The following CLIP1 variants were observed in gnomAD, a reference collection of about 807,000 sequenced individuals.
The protein encoded by CLIP1 is CAP-Gly domain containing linker protein 1, also known as CAP-Gly domain-containing linker protein 1.
CLIP1 carries 66 observed loss-of-function variants against 161.6 expected under a neutral mutation model. That is an observed-to-expected ratio of 0.41 (90% CI 0.33 to 0.50). CLIP1 has a LOEUF of 0.50. CLIP1 is among the 20% of genes least tolerant of loss of function. The pLI, the probability that CLIP1 is intolerant of heterozygous loss-of-function variation, is 0.27. For synonymous variants in CLIP1, 598 were observed against 626.2 expected (o/e 0.96, Z 0.67); for missense variants, 1,376 against 1,702.0 (o/e 0.81, Z 3.37).
intron 15 of CLIP1, among the ~76,000 whole-genome samples, chr12:122,329,504 C>T (rs1951852051): frequency 6.6e-6 from 1 of 151,802 alleles, no homozygotes; most frequent in Admixed American, 6.6e-5. Context: ...GTGGTGGGCA[C>T]CTGTAGTCCC....
intron 19 of CLIP1, among the ~76,000 whole-genome samples, chr12:122,314,387 C>T (rs937043872): frequency 5.9e-5 from 9 of 151,974 alleles, no homozygotes; most frequent in Admixed American, 3.9e-4. Context: ...ACGAAAACTG[C>T]TTGAACCCAG....
intron 24 of CLIP1, chr12:122,277,075 T>G (rs1374275682): frequency 2.0e-5 from 3 of 153,462 alleles, no homozygotes; most frequent in African/African-American, 4.8e-5. Flanking sequence ...TCCTCCTGCC[T>G]CAGCTTCTGG....
At chr12:122,415,834 G>C (rs928375951) in intron 1 of CLIP1, among the ~76,000 whole-genome samples, 2 of 151,972 alleles carry the variant, frequency 1.3e-5, no homozygotes, top group African/African-American at 4.8e-5. Context: ...AAAACCCATA[G>C]ATTTTGAACT....
intron 17 of CLIP1, among the ~76,000 whole-genome samples, chr12:122,326,980 G>T (rs1429331558): frequency 6.6e-6 from 1 of 152,134 alleles, no homozygotes; most frequent in African/African-American, 2.4e-5. Flanking sequence ...TTAGCAAGAG[G>T]CTTTTCATGA....
intron 17 of CLIP1, among the ~76,000 whole-genome samples, chr12:122,326,450 C>T (rs997369067): frequency 6.6e-6 from 1 of 152,198 alleles, no homozygotes; most frequent in Non-Finnish European, 1.5e-5. Context: ...GAAGCTGAAG[C>T]AGGTGGATCG....
At chr12:122,382,435 C>T (rs1955049670) in intron 1 of CLIP1, among the ~76,000 whole-genome samples, 1 of 150,456 alleles carries the variant, frequency 6.6e-6, no homozygotes, top group Non-Finnish European at 1.5e-5. Flanking sequence ...GGCTGAGGCA[C>T]GAGAATCCCT....
chr12:122,383,364 G>C (rs1308722844), intron 1 of CLIP1, among the ~76,000 whole-genome samples: 1 of 152,186 alleles, frequency 6.6e-6, no homozygotes, highest in East Asian at 1.9e-4. Context: ...GACCTAACAA[G>C]GGAACTTTCA....
At chr12:122,335,206 T>C (rs1275077726) in intron 12 of CLIP1, among the ~76,000 whole-genome samples, 1 of 152,158 alleles carries the variant, frequency 6.6e-6, no homozygotes, top group East Asian at 1.9e-4. Context: ...TTTCTAAACA[T>C]GACAATAGGC....
intron 11 of CLIP1, 33 bp downstream of exon 11, chr12:122,340,720 G>C (rs779570307): frequency 6.8e-7 from 1 of 1,474,358 alleles, no homozygotes; most frequent in South Asian, 1.3e-5. Context: ...ATAACAAATG[G>C]AAAAGAAAAG....
intron 1 of CLIP1, among the ~76,000 whole-genome samples, chr12:122,413,543 A>C (rs543086011): frequency 6.6e-6 from 1 of 152,302 alleles, no homozygotes; most frequent in East Asian, 1.9e-4. Flanking sequence ...AAAGGAGCAA[A>C]CAAACACCAA....
intron 19 of CLIP1, among the ~76,000 whole-genome samples, chr12:122,312,993 T>C (rs1267169533): frequency 6.6e-6 from 1 of 152,156 alleles, no homozygotes; most frequent in Non-Finnish European, 1.5e-5. Flanking sequence ...CTGTTCCCAT[T>C]ACACAGTCCT....
rs753829877 is a variant in CLIP1 at position 122,332,968 on chromosome 12, T to TGAAA, written c.2867+18_2867+19insTTTC. The TGAAA allele has an allele frequency of 1.2e-5, 19 of 1,608,120 alleles. No individual in the cohort carries two copies. The Admixed American group carries it at 3.2e-4, about 27-fold the overall frequency. On this transcript the variant is annotated intron_variant, in intron 15 of 25. Coordinates refer to ENST00000620786, the MANE Select transcript of CLIP1 (RefSeq NM_001247997.2). The stretch of plus-strand genomic sequence containing the variant: ...GAGCCTAACCTAAGGTCAGCACTCT[T>TGAAA]TTCAACAGTCACATATACCTTTCTT...
At chr12:122,336,511 C>T (rs1389507195) in intron 12 of CLIP1, 121 bp downstream of exon 12, 1 of 640,810 alleles carries the variant, frequency 1.6e-6, no homozygotes, top group Admixed American at 2.5e-5. Flanking sequence ...AACTAATACA[C>T]TCAAGTTGAA....
In CLIP1 at chr12:122,385,480, C is replaced by G. The variant is rs537043377; in HGVS notation, c.-106-4922G>C. 1.4e-4 allele frequency among the ~76,000 whole-genome samples: 22 copies of G among 152,158 alleles called. No individual in the cohort carries two copies. In the South Asian group the frequency reaches 4.6e-3, roughly 32 times the overall value. ...ATATTAATGCTGCCATTTTGAGGAC[C>G]CTCCACCTCTATGAATAGCAAGGGG... On this transcript the variant is annotated intron_variant, in intron 1 of 25. Transcript: ENST00000620786.
chr12:122,374,113 G>A (rs1488653741), intron 3 of CLIP1, among the ~76,000 whole-genome samples: 10 of 151,918 alleles, frequency 6.6e-5, no homozygotes, highest in Admixed American at 3.9e-4. Flanking sequence ...CAAGGAGAGC[G>A]GATCACGAGG....
At chr12:122,285,890 A>G (rs763632140) in intron 21 of CLIP1, among the ~76,000 whole-genome samples, 6 of 151,660 alleles carry the variant, frequency 4.0e-5, no homozygotes, top group African/African-American at 1.2e-4. Flanking sequence ...AATCTTATTT[A>G]TGTAAAATTA....
At chr12:122,393,262 G>A (rs1955744334) in intron 1 of CLIP1, among the ~76,000 whole-genome samples, 1 of 151,756 alleles carries the variant, frequency 6.6e-6, no homozygotes. Context: ...CTGGGTTCAA[G>A]GGATTCTCCT....
rs146667822 is a variant in CLIP1, at chr12:122,338,724, GAACAA to G, written c.2452-1981_2452-1977del. Among the ~76,000 whole-genome samples the G allele has an allele frequency of 4.2e-3, 634 of 151,868 alleles. 2 individuals are homozygous for G. Among genetic ancestry groups the G allele is most frequent in the African/African-American group, 0.014 (599 of 41,434 alleles). ...AGAGTGAGACTGTCTCAAAAAAACAGAACAAAACAAAACAAAAAAATCCACTGGAC... is the reference window on the plus strand; with the variant it reads ...AGAGTGAGACTGTCTCAAAAAAACAGAACAAAACAAAAAAATCCACTGGAC... On this transcript the variant is annotated intron_variant, in intron 11 of 25. Transcript: ENST00000620786.
intron 18 of CLIP1, 114 bp from the exon 19 acceptor site, chr12:122,316,969 C>CA (rs990581077): frequency 0.029 from 13,669 of 475,698 alleles, 2 homozygotes; most frequent in Middle Eastern, 0.039. Flanking sequence ...TAGTCACTCG[C>CA]AAAAAAAAAA....
Sources: allele counts gnomAD v4.1 joint callset (sites outside exome capture counted in the v4.1 genomes callset), GRCh38; gene constraint gnomAD v4.1.1; transcripts MANE v1.5; gene names NCBI Gene and HGNC (gene_info 2026-07-23, HGNC 2026-07-21).